DCT: variants seen among roughly 807,000 people sequenced by gnomAD.
DCT encodes the protein L-dopachrome tautomerase.
In DCT, 47 loss-of-function variants were observed where a neutral mutation model predicts 53.0. The observed-to-expected ratio is 0.89, with a 90% CI of 0.70 to 1.13. The LOEUF is 1.13. Among genes scored for constraint, DCT ranks in the 50% most tolerant of loss-of-function variants. DCT has a pLI of 0.00. For synonymous variants in DCT, 244 were observed against 237.0 expected (o/e 1.03, Z -0.27); for missense variants, 669 against 637.4 (o/e 1.05, Z -0.53).
At chr13:94,529,057 T>G in the DCT span, among the ~76,000 whole-genome samples, 13 of 152,276 alleles carry the variant, frequency 8.5e-5, no homozygotes, top group Admixed American at 5.2e-4. Context: ...CACTACATAA[T>G]GGCAAAGTGA....
chr13:94,482,708 A>C (rs1365563209), upstream of DCT, among the ~76,000 whole-genome samples: 1 of 152,248 alleles, frequency 6.6e-6, no homozygotes, highest in Admixed American at 6.5e-5. Context: ...TATGTTCATC[A>C]AAAGGGCCTC....
At chr13:94,451,078 T>C (rs1883049875) in intron 6 of DCT, among the ~76,000 whole-genome samples, 1 of 152,084 alleles carries the variant, frequency 6.6e-6, no homozygotes, top group South Asian at 2.1e-4. Flanking sequence ...GCCTAGTCCA[T>C]AGAAACACTG....
chr13:94,539,808 G>GA, the DCT span, among the ~76,000 whole-genome samples: 4 of 150,432 alleles, frequency 2.7e-5, no homozygotes, highest in African/African-American at 4.9e-5. Context: ...GAATCGGTGA[G>GA]AAAAAAAAAG....
chr13:94,445,642 C>A (rs116452540), intron 6 of DCT: 3 of 950,712 alleles, frequency 3.2e-6, no homozygotes, highest in African/African-American at 1.7e-5. Flanking sequence ...TTTGGGTAAT[C>A]GTAATCTGTT....
chr13:94,444,997 G>A (rs1882626062), intron 6 of DCT, among the ~76,000 whole-genome samples: 1 of 152,142 alleles, frequency 6.6e-6, no homozygotes, highest in Non-Finnish European at 1.5e-5. Context: ...CAGACACTTT[G>A]CATACAGTGC....
rs576397146 is a variant in DCT, at chr13:94,468,982, C to T, written c.359G>A (p.Arg120Gln). The T allele has an allele frequency of 8.7e-6, 14 of 1,614,062 alleles. No homozygotes were observed. The East Asian group carries it at 1.3e-4, about 15-fold the overall frequency. ...CTGCCGAATCACTGGTGGTTTCTTC[C>T]GCTCGCAGTTGGGACCGGTCCAGCC... The part of the protein sequence containing the change: ...KFGWTGPNCE[R>Q]KKPPVIRQNI... The change falls in exon 2 of 8, where the codon CGG (arginine) becomes CAG (glutamine). Residue 120 changes from arginine (R) to glutamine (Q), a missense_variant. Coordinates refer to ENST00000377028, the MANE Select transcript of DCT (RefSeq NM_001922.5).
At chr13:94,502,990 G>A in the DCT span, among the ~76,000 whole-genome samples, 68,403 of 152,030 alleles carry the variant, frequency 0.45, 16,715 homozygotes, top group African/African-American at 0.63. Context: ...TAGAAACACC[G>A]TGGTGGTTTA....
At chr13:94,532,618 A>T in the DCT span, among the ~76,000 whole-genome samples, 1 of 152,086 alleles carries the variant, frequency 6.6e-6, no homozygotes. Flanking sequence ...AGGGAACATC[A>T]CACACCAGGG....
At chr13:94,539,000 A>G in the DCT span, among the ~76,000 whole-genome samples, 1 of 152,148 alleles carries the variant, frequency 6.6e-6, no homozygotes, top group East Asian at 1.9e-4. Flanking sequence ...GTCACACAAC[A>G]TCTTTCAGTC....
At chr13:94,442,781 G>T (rs1170494506) in intron 7 of DCT, among the ~76,000 whole-genome samples, 3 of 152,176 alleles carry the variant, frequency 2.0e-5, no homozygotes, top group Non-Finnish European at 4.4e-5. Context: ...GGTGGTATAG[G>T]CTAAATGGGA....
intron 1 of DCT, among the ~76,000 whole-genome samples, chr13:94,470,194 T>C (rs1884552892): frequency 1.3e-5 from 2 of 152,220 alleles, no homozygotes; most frequent in African/African-American, 4.8e-5. Flanking sequence ...TTTAAAAAGC[T>C]GACTTATTTC....
the DCT span, among the ~76,000 whole-genome samples, chr13:94,525,407 G>A: frequency 6.6e-6 from 1 of 152,076 alleles, no homozygotes; most frequent in Non-Finnish European, 1.5e-5. Flanking sequence ...TGGCCAAGGT[G>A]ATACATTTCT....
At position 94,440,006 on chromosome 13, in the gene DCT, A is replaced by G; in HGVS notation, c.1452T>C (p.Val484=). Residue 484 remains valine, a synonymous_variant, in exon 8 of 8, where the codon GTT becomes GTC. Coordinates refer to ENST00000377028, the MANE Select transcript of DCT (RefSeq NM_001922.5). ...LVVMGTLVAL[V]GLFVLLAFLQ... is the part of the protein sequence containing the mutation. ...GAAAAGCCAACAGCACAAAAAGACCAACCAAAGCCACCAGTGTTCCCATGA... is the reference window on the plus strand; with the variant it reads ...GAAAAGCCAACAGCACAAAAAGACCGACCAAAGCCACCAGTGTTCCCATGA... 1 of 1,614,112 alleles carries G rather than the reference A, an allele frequency of 6.2e-7. No homozygotes were observed. The highest frequency in any genetic ancestry group is 8.5e-7 in the Non-Finnish European group (1 of 1,179,960).
chr13:94,479,890 C>T (rs1885364823), upstream of DCT, among the ~76,000 whole-genome samples: 1 of 152,168 alleles, frequency 6.6e-6, no homozygotes, highest in Non-Finnish European at 1.5e-5. Context: ...TTTATCTGGG[C>T]TCATGTGCTC....
chr13:94,444,660 CA>C (rs1882602406), intron 6 of DCT, among the ~76,000 whole-genome samples: 2 of 152,198 alleles, frequency 1.3e-5, no homozygotes, highest in African/African-American at 4.8e-5. Flanking sequence ...TCAAGGAGCT[CA>C]GGGGCAGTGT....
the DCT span, among the ~76,000 whole-genome samples, chr13:94,518,159 AAGGAAGG>A: frequency 7.6e-5 from 11 of 144,970 alleles, no homozygotes; most frequent in African/African-American, 2.1e-4. Flanking sequence ...GGAAGGAATG[AAGGAAGG>A]AAGGAAGAAA....
chr13:94,489,761 TACACACAC>T, the DCT span, among the ~76,000 whole-genome samples: 1 of 150,362 alleles, frequency 6.7e-6, no homozygotes, highest in Non-Finnish European at 1.5e-5. Flanking sequence ...GAATGATTAA[TACACACAC>T]ACACACACAC....
In DCT at chr13:94,439,986, G is replaced by A. The variant is rs1472970351; in HGVS notation, c.1472C>T (p.Ala491Val). The A allele has an allele frequency of 2.5e-6, 4 of 1,613,762 alleles. No homozygotes were observed. In the African/African-American group the frequency reaches 5.3e-5, roughly 22 times the overall value. Reference protein sequence around the residue: ...VALVGLFVLLAFLQYRRLRKG... With the variant: ...VALVGLFVLLVFLQYRRLRKG... ...TCGAAGTCTTCTATATTGAAGAAAAGCCAACAGCACAAAAAGACCAACCAA... is the reference window on the plus strand; with the variant it reads ...TCGAAGTCTTCTATATTGAAGAAAAACCAACAGCACAAAAAGACCAACCAA... The change falls in exon 8 of 8, where the codon GCT (alanine) becomes GTT (valine). Residue 491 changes from alanine to valine, a missense_variant. Ala to Val is a moderately conservative substitution (Grantham distance 64). Coordinates refer to ENST00000377028, the MANE Select transcript of DCT (RefSeq NM_001922.5).
intron 2 of DCT, chr13:94,467,964 A>C (rs9516419): frequency 0.15 from 23,068 of 152,098 alleles, 1,870 homozygotes; most frequent in South Asian, 0.24. Flanking sequence ...CTGAAAAATA[A>C]GGACAAAGCT....
Sources: gnomAD v4.1 joint callset for allele counts (sites outside exome capture counted in the v4.1 genomes callset) on GRCh38, gnomAD v4.1.1 for gene constraint, MANE v1.5 for transcripts, NCBI Gene and HGNC (gene_info 2026-07-23, HGNC 2026-07-21) for gene names.